Variants in SGF29 observed in about 807,000 individuals in gnomAD.
SGF29 encodes the protein SAGA-associated factor 29.
A neutral mutation model predicts 38.1 loss-of-function variants in SGF29; 15 were observed. That is an observed-to-expected ratio of 0.39 (90% confidence interval 0.26 to 0.61). SGF29 has a LOEUF of 0.61. Among genes scored for constraint, SGF29 ranks in the 20% least tolerant of loss-of-function variants. SGF29 has a pLI of 0.49. For missense variants in SGF29, 184 were observed against 394.6 expected (o/e 0.47, Z 4.52); for synonymous variants, 151 against 160.8 (o/e 0.94, Z 0.46).
At chr16:28,585,078 A>G in intron 3 of SGF29, 90 bp downstream of exon 3, 3 of 1,010,362 alleles carry the variant, frequency 3.0e-6, no homozygotes, top group Non-Finnish European at 4.6e-6. Context: ...ATTGTATTCA[A>G]AATAGATTTG....
Position 28,590,770 on chromosome 16 carries a change from C to G in SGF29, c.603-3C>G. On this transcript the variant is annotated splice_polypyrimidine_tract_variant and splice_region_variant and intron_variant, in intron 8 of 9. Coordinates refer to ENST00000317058, the MANE Select transcript of SGF29 (RefSeq NM_138414.3). The surrounding 1 kb of genome is among the most constrained non-coding windows in gnomAD (Gnocchi z 8.2). ...AGGTTGATATAAGCCCCTCTTCCCCCAGGAGACACACCCTGAGCCGGCGCC... is the reference window on the plus strand; with the variant it reads ...AGGTTGATATAAGCCCCTCTTCCCCGAGGAGACACACCCTGAGCCGGCGCC... The G allele has an allele frequency of 1.2e-6, 2 of 1,614,040 alleles. No homozygotes were observed. The highest frequency in any genetic ancestry group is 1.7e-6 in the Non-Finnish European group (2 of 1,179,952).
rs190155763 is a variant in SGF29, at chr16:28,580,119, G to A, written c.-15-936G>A. On this transcript the variant is annotated intron_variant, in intron 1 of 9. Coordinates refer to ENST00000317058, the MANE Select transcript of SGF29 (RefSeq NM_138414.3). ...TGTCAGGATATTGGCAGCAGAGCAG[G>A]GGCTAAGGGCATGCTATCTTTTTAA... Among the ~76,000 whole-genome samples the A allele has an allele frequency of 1.5e-3, 226 of 152,070 alleles. 1 individual carries two copies. The highest frequency in any genetic ancestry group is 5.1e-3 in the African/African-American group (211 of 41,464).
In SGF29 at chr16:28,562,600, A is replaced by G. The variant is rs146836496; in HGVS notation, c.-16+8503A>G. ...ATTTTGGGTACCAAGATGCAAAGAC[A>G]ATCCATTAAGACAGTTCTTGGCCGC... On this transcript the variant is annotated intron_variant, in intron 1 of 9. Coordinates refer to ENST00000317058, the MANE Select transcript of SGF29 (RefSeq NM_138414.3). Among the ~76,000 whole-genome samples, 468 of 152,198 alleles carry G rather than the reference A, an allele frequency of 3.1e-3. 2 individuals carry two copies. Among genetic ancestry groups the G allele is most frequent in the Non-Finnish European group, 3.2e-3 (220 of 68,006 alleles).
At position 28,590,026 on chromosome 16, in the gene SGF29, A is replaced by C; in HGVS notation, c.290-70A>C. On this transcript the variant is annotated intron_variant, in intron 5 of 9. Transcript: ENST00000317058. This position sits in a 1 kb window ranked among gnomAD's most constrained non-coding sequence, Gnocchi z 8.2. The stretch of plus-strand genomic sequence containing the variant: ...CTCCCAGGTGCTCCTTCAACAGCTC[A>C]GTGCAGCATGCTCGGGGGTCAAGGC... The C allele has an allele frequency of 4.6e-6, 7 of 1,537,008 alleles. No homozygotes were observed. The highest frequency in any genetic ancestry group is 1.3e-5 in the South Asian group (1 of 77,732).
Position 28,582,376 on chromosome 16 carries a change from T to C in SGF29, c.75+1232T>C, listed in dbSNP as rs558911184. 3.4e-4 allele frequency among the ~76,000 whole-genome samples: 45 copies of C among 134,264 alleles called. 1 individual carries two copies. In the East Asian group the frequency reaches 8.2e-3, roughly 25 times the overall value. 88.1% of individuals were successfully genotyped at this position (134,264 alleles called of 152,430 possible). A position where few individuals can be genotyped will look rare whatever the true frequency, so the allele number is the denominator to read the frequency against. ...GGTGGAACTCTTCTGCAGGGTACCA[T>C]GATGGGGGGCACGCAACATGATGCG... On this transcript the variant is annotated intron_variant, in intron 2 of 9. Transcript: ENST00000317058.
At chr16:28,555,451 G>T (rs572937214) in intron 1 of SGF29, among the ~76,000 whole-genome samples, 2 of 152,334 alleles carry the variant, frequency 1.3e-5, no homozygotes, top group Non-Finnish European at 2.9e-5. Context: ...ACTCTAGCCT[G>T]GGTGACAGAG....
Position 28,589,850 on chromosome 16 carries a change from G to A in SGF29, c.290-246G>A, listed in dbSNP as rs1030235228. 1.1e-4 allele frequency among the ~76,000 whole-genome samples: 17 copies of A among 152,196 alleles called. 1 individual carries two copies. The highest frequency in any genetic ancestry group is 3.1e-4 in the African/African-American group (13 of 41,530). On this transcript the variant is annotated intron_variant, in intron 5 of 9. Coordinates refer to ENST00000317058, the MANE Select transcript of SGF29 (RefSeq NM_138414.3). ...CAGCCTGAACAGCACCTTGGAACCC[G>A]CTTTCTTTCTTCTGGTTCCTCCCCC...
intron 1 of SGF29, among the ~76,000 whole-genome samples, chr16:28,560,624 A>G (rs1419596780): frequency 6.7e-6 from 1 of 148,172 alleles, no homozygotes; most frequent in Non-Finnish European, 1.5e-5. Context: ...ATTTTAAAAT[A>G]TATTTTTACA....
intron 4 of SGF29, 55 bp downstream of exon 4, chr16:28,585,775 T>C (rs182469671): frequency 5.5e-5 from 84 of 1,522,166 alleles, no homozygotes; most frequent in Non-Finnish European, 7.7e-5. Context: ...GGGGCTGGGC[T>C]GCAGGTCCAT....
At chr16:28,565,067 G>C (rs1232966135) in intron 1 of SGF29, among the ~76,000 whole-genome samples, 1 of 151,978 alleles carries the variant, frequency 6.6e-6, no homozygotes, top group Non-Finnish European at 1.5e-5. Context: ...CCAAGGGCAA[G>C]GGGAGAGGAG....
chr16:28,581,221 G>A, intron 2 of SGF29, 77 bp downstream of exon 2: 1 of 1,380,056 alleles, frequency 7.2e-7, no homozygotes, highest in Non-Finnish European at 1.0e-6. Context: ...GGTGGCATTT[G>A]TGTTCAGAGA....
intron 1 of SGF29, among the ~76,000 whole-genome samples, chr16:28,564,784 TATACACACACACAC>T (rs2046826523): frequency 8.5e-6 from 1 of 118,124 alleles, no homozygotes; most frequent in Non-Finnish European, 1.7e-5. Flanking sequence ...TATATATATA[TATACACACACACAC>T]ACACACACAA....
rs2046993625 is a variant in SGF29, at chr16:28,591,783, C to T, written c.*77C>T. Reference sequence around the variant, plus strand: ...GGACGTGCTGGGATTAAACACATTCCCCCTCTACTCGTCTCCTGGGTTTTA... The same window carrying T: ...GGACGTGCTGGGATTAAACACATTCTCCCTCTACTCGTCTCCTGGGTTTTA... On this transcript the variant is annotated 3_prime_UTR_variant, in exon 10 of 10. Coordinates refer to ENST00000317058, the MANE Select transcript of SGF29 (RefSeq NM_138414.3). 7.6e-7 allele frequency: 1 copy of T among 1,312,662 alleles called. No individual in the cohort carries two copies. Among genetic ancestry groups the T allele is most frequent in the African/African-American group, 1.4e-5 (1 of 69,132 alleles). The allele number at this position is 1,312,662 out of a possible 1,614,324, so 81.3% of individuals were successfully genotyped here.
intron 1 of SGF29, among the ~76,000 whole-genome samples, chr16:28,561,273 G>A (rs13333296): frequency 0.016 from 2,381 of 151,980 alleles, 67 homozygotes; most frequent in African/African-American, 0.054. Flanking sequence ...GCTCACGCCT[G>A]TAATCCCAGT....
chr16:28,585,944 A>G (rs73535303), intron 4 of SGF29, among the ~76,000 whole-genome samples: 1,946 of 152,310 alleles, frequency 0.013, 38 homozygotes, highest in African/African-American at 0.044. Flanking sequence ...GCGTGAGTCA[A>G]CACTGCCGTT....
intron 1 of SGF29, among the ~76,000 whole-genome samples, chr16:28,571,871 G>A (rs962079580): frequency 1.3e-5 from 2 of 152,240 alleles, no homozygotes; most frequent in Admixed American, 6.5e-5. Flanking sequence ...AGTGGTGATT[G>A]ATTGATGAAA....
intron 1 of SGF29, among the ~76,000 whole-genome samples, chr16:28,575,059 C>G (rs1326870228): frequency 6.6e-6 from 1 of 152,124 alleles, no homozygotes; most frequent in Non-Finnish European, 1.5e-5. Context: ...TGGGGTCACA[C>G]CATCTTGATG....
chr16:28,579,388 G>A (rs1322197823), intron 1 of SGF29, among the ~76,000 whole-genome samples: 1 of 150,546 alleles, frequency 6.6e-6, no homozygotes, highest in Non-Finnish European at 1.5e-5. Flanking sequence ...TTCCTGAGTA[G>A]CTGGGACTAC....
Position 28,587,799 on chromosome 16 carries a change from G to A in SGF29, c.225-1301G>A, listed in dbSNP as rs183163099. Among the ~76,000 whole-genome samples the A allele has an allele frequency of 2.6e-3, 397 of 152,226 alleles. 3 individuals carry two copies. The highest frequency in any genetic ancestry group is 8.9e-3 in the African/African-American group (369 of 41,530). On this transcript the variant is annotated intron_variant, in intron 4 of 9. Transcript: ENST00000317058. ...TGGAGTTTGTGCTGCTGACTACTGTGGAAATACGTATTTTTTTTGAAATGG... is the reference window on the plus strand; with the variant it reads ...TGGAGTTTGTGCTGCTGACTACTGTAGAAATACGTATTTTTTTTGAAATGG...
Sources: allele counts gnomAD v4.1 joint callset (sites outside exome capture counted in the v4.1 genomes callset), GRCh38; gene constraint gnomAD v4.1.1; non-coding constraint Gnocchi (gnomAD v3.1); transcripts MANE v1.5; gene names NCBI Gene and HGNC (gene_info 2026-07-23, HGNC 2026-07-21).